The following GALNT6 variants were observed in gnomAD, a reference collection of about 807,000 sequenced individuals.
The protein encoded by GALNT6 is polypeptide N-acetylgalactosaminyltransferase 6.
GALNT6 carries 51 observed loss-of-function variants against 65.9 expected under a neutral mutation model. The ratio of observed to expected loss-of-function variants is 0.77; its 90% confidence interval spans 0.62 to 0.98. GALNT6 has a LOEUF of 0.98. Ranked by LOEUF, GALNT6 falls within the 50% of genes least tolerant of loss-of-function variation. GALNT6 has a pLI of 0.00. For synonymous variants in GALNT6, 323 were observed against 315.1 expected (o/e 1.02, Z -0.26); for missense variants, 708 against 803.3 (o/e 0.88, Z 1.43).
chr12:51,376,568 G>T (rs1295127914), intron 4 of GALNT6, among the ~76,000 whole-genome samples: 1 of 149,966 alleles, frequency 6.7e-6, no homozygotes, highest in Non-Finnish European at 1.5e-5. Context: ...GGGAGGCGGA[G>T]GTTGTGGTGA....
chr12:51,371,494 T>A (rs1947293225), intron 4 of GALNT6, among the ~76,000 whole-genome samples: 1 of 152,212 alleles, frequency 6.6e-6, no homozygotes, highest in Non-Finnish European at 1.5e-5. Flanking sequence ...CTGTGTTGGC[T>A]GCTCCCTTTG....
intron 8 of GALNT6, among the ~76,000 whole-genome samples, chr12:51,358,536 G>A (rs964517745): frequency 6.6e-6 from 1 of 152,076 alleles, no homozygotes; most frequent in Admixed American, 6.6e-5. Context: ...CCTCACCTTA[G>A]GTGATCTGCC....
rs539279424 is a variant in GALNT6, at chr12:51,364,221, C to T, written c.949G>A (p.Val317Ile). ...EFAKPVQRGRVHSRGNFDWSL... is the reference protein window; with the variant it reads ...EFAKPVQRGRIHSRGNFDWSL... ...CAGTCAAAGTTGCCTCGGCTATGGA[C>T]TCTGCCCCTCTGGACGGGCTTGGCG... Residue 317 changes from valine (V) to isoleucine (I), a missense_variant, in exon 6 of 12, where the codon GTC (valine) becomes ATC (isoleucine). Val to Ile is a conservative substitution (Grantham distance 29). Transcript: ENST00000356317. The T allele has an allele frequency of 4.4e-5, 71 of 1,614,148 alleles. No individual in the cohort carries two copies. The highest frequency in any genetic ancestry group is 1.3e-4 in the South Asian group (12 of 91,088).
intron 6 of GALNT6, among the ~76,000 whole-genome samples, chr12:51,362,458 C>A (rs994110354): frequency 6.6e-6 from 1 of 152,050 alleles, no homozygotes; most frequent in East Asian, 1.9e-4. Context: ...TGAAGAGCCT[C>A]GGCAAGCCAT....
chr12:51,368,028 T>C (rs1051387620), intron 4 of GALNT6, among the ~76,000 whole-genome samples: 1 of 151,972 alleles, frequency 6.6e-6, no homozygotes, highest in Non-Finnish European at 1.5e-5. Flanking sequence ...TTTTTTTTTT[T>C]TTTAATTTTT....
At chr12:51,358,935 T>C (rs989471553) in intron 8 of GALNT6, among the ~76,000 whole-genome samples, 197 bp downstream of exon 8, 2 of 152,166 alleles carry the variant, frequency 1.3e-5, no homozygotes, top group African/African-American at 4.8e-5. Context: ...ACTCTATGCG[T>C]AGGGACAACA....
chr12:51,383,912 C>A (rs186975103), intron 2 of GALNT6, among the ~76,000 whole-genome samples: 53 of 152,230 alleles, frequency 3.5e-4, no homozygotes, highest in African/African-American at 9.9e-4. Context: ...GAGGTCGCCC[C>A]TCCACCAGCC....
chr12:51,364,971 T>C (rs756195449), intron 5 of GALNT6, among the ~76,000 whole-genome samples: 8 of 152,174 alleles, frequency 5.3e-5, no homozygotes, highest in Non-Finnish European at 8.8e-5. Flanking sequence ...TCCCCTAATA[T>C]ATATCACCAC....
rs770815708 is a variant in GALNT6, at chr12:51,364,355, C to T, written c.815G>A (p.Cys272Tyr). Reference protein sequence around the residue: ...AEVLTFLDAHCECFHGWLEPL... With the variant: ...AEVLTFLDAHYECFHGWLEPL... Reference sequence around the variant, plus strand: ...CTCCAGCCAGCCGTGGAAGCACTCACCTGCAGGCCCCAACCAGGAGGCAGC... The same window carrying T: ...CTCCAGCCAGCCGTGGAAGCACTCATCTGCAGGCCCCAACCAGGAGGCAGC... The change falls in exon 6 of 12, where the codon TGT (cysteine) becomes TAT (tyrosine). Residue 272 changes from cysteine (C) to tyrosine (Y), a missense_variant and splice_region_variant. Physicochemically the swap from Cys to Tyr is radical, Grantham distance 194. Coordinates refer to ENST00000356317, the MANE Select transcript of GALNT6 (RefSeq NM_007210.4). 1.9e-6 allele frequency: 3 copies of T among 1,609,802 alleles called. No homozygotes were observed. Among genetic ancestry groups the T allele is most frequent in the African/African-American group, 2.7e-5 (2 of 74,980 alleles).
chr12:51,355,989 G>T, intron 10 of GALNT6, 31 bp from the exon 11 acceptor site: 5 of 1,608,918 alleles, frequency 3.1e-6, no homozygotes, highest in Non-Finnish European at 4.3e-6. Context: ...AGCAGGTGGA[G>T]AGTTCACCCC....
Position 51,354,325 on chromosome 12 carries a change from C to A in GALNT6, c.*54G>T. Reference sequence around the variant, plus strand: ...TGGTGATCAGGTTCCCAGACATCAGCAATCCTGTTTCCTGAGGAGCTTGTG... The same window carrying A: ...TGGTGATCAGGTTCCCAGACATCAGAAATCCTGTTTCCTGAGGAGCTTGTG... On this transcript the variant is annotated 3_prime_UTR_variant, in exon 12 of 12. Coordinates refer to ENST00000356317, the MANE Select transcript of GALNT6 (RefSeq NM_007210.4). 5.0e-6 allele frequency: 5 copies of A among 993,550 alleles called. No homozygotes were observed. The highest frequency in any genetic ancestry group is 5.9e-6 in the Non-Finnish European group (4 of 672,916). The allele number at this position is 993,550 out of a possible 1,614,324, so 61.5% of individuals were successfully genotyped here. A position where few individuals can be genotyped will look rare whatever the true frequency, so the allele number is the denominator to read the frequency against.
At position 51,352,520 on chromosome 12, in the gene GALNT6, CTTTG is replaced by C; in HGVS notation, c.*1855_*1858del. 6.6e-6 allele frequency: 1 copy of C among 152,248 alleles called. No homozygotes were observed. The highest frequency in any genetic ancestry group is 1.5e-5 in the Non-Finnish European group (1 of 68,028). The allele number at this position is 152,248 out of a possible 1,614,324, so 9.4% of individuals were successfully genotyped here. On this transcript the variant is annotated 3_prime_UTR_variant, in exon 12 of 12. Coordinates refer to ENST00000356317, the MANE Select transcript of GALNT6 (RefSeq NM_007210.4). ...CCCTCTCTCAATTTCACTCATGCTA[CTTTG>C]TTTTTTTAATCTACCTTTTATATGG...
chr12:51,383,616 T>C (rs967941086), intron 2 of GALNT6: 10 of 152,236 alleles, frequency 6.6e-5, no homozygotes, highest in African/African-American at 2.4e-4. Context: ...AATTGAGCTC[T>C]TCCTAGGCAT....
At chr12:51,374,899 A>G (rs558791214) in intron 4 of GALNT6, among the ~76,000 whole-genome samples, 1 of 152,324 alleles carries the variant, frequency 6.6e-6, no homozygotes, top group East Asian at 1.9e-4. Context: ...AAACACTTTC[A>G]ACGACTCCTT....
At chr12:51,381,763 GT>G (rs1197827754) in intron 2 of GALNT6, among the ~76,000 whole-genome samples, 1 of 152,206 alleles carries the variant, frequency 6.6e-6, no homozygotes, top group African/African-American at 2.4e-5. Context: ...TAGGTAAAAT[GT>G]TTGGCAGAGC....
intron 4 of GALNT6, among the ~76,000 whole-genome samples, chr12:51,372,959 G>C (rs1050535341): frequency 1.1e-4 from 17 of 152,182 alleles, no homozygotes; most frequent in African/African-American, 4.1e-4. Context: ...GATTTGCATG[G>C]GGCCTGTAGC....
intron 2 of GALNT6, among the ~76,000 whole-genome samples, chr12:51,386,304 C>T (rs1947840734): frequency 6.6e-6 from 1 of 152,122 alleles, no homozygotes; most frequent in African/African-American, 2.4e-5. Flanking sequence ...ACACTCATAC[C>T]CGTGGAGGTT....
chr12:51,361,502 A>C (rs1183765476), intron 6 of GALNT6, among the ~76,000 whole-genome samples: 1 of 152,208 alleles, frequency 6.6e-6, no homozygotes, highest in Non-Finnish European at 1.5e-5. Context: ...TCCTGGAAAC[A>C]GTGGAAGGTC....
intron 4 of GALNT6, among the ~76,000 whole-genome samples, chr12:51,374,296 G>A (rs935886220): frequency 1.3e-5 from 2 of 152,138 alleles, no homozygotes; most frequent in Non-Finnish European, 2.9e-5. Context: ...AGCCTCCCAA[G>A]TAGCTGGGAC....
Sources: allele counts gnomAD v4.1 joint callset (sites outside exome capture counted in the v4.1 genomes callset), GRCh38; gene constraint gnomAD v4.1.1; transcripts MANE v1.5; gene names NCBI Gene and HGNC (gene_info 2026-07-23, HGNC 2026-07-21).